Variants in ABLIM1 observed in about 807,000 individuals in gnomAD.
ABLIM1 encodes actin-binding LIM protein 1.
Under a neutral mutation model 107.0 loss-of-function variants are expected in ABLIM1, and 40 were observed. That is an observed-to-expected ratio of 0.37 (90% CI 0.29 to 0.49). ABLIM1 has a LOEUF of 0.49. ABLIM1 is among the 20% of genes least tolerant of loss of function. The pLI is 0.97. For synonymous variants in ABLIM1, 357 were observed against 357.3 expected (o/e 1.00, Z 0.01); for missense variants, 857 against 1,008.5 (o/e 0.85, Z 2.04).
At chr10:114,588,682 A>C (rs1457791764) in intron 2 of ABLIM1, among the ~76,000 whole-genome samples, 1 of 151,110 alleles carries the variant, frequency 6.6e-6, no homozygotes, top group East Asian at 1.9e-4. Flanking sequence ...TTTTTAGTAG[A>C]GATGTAGAGA....
intron 6 of ABLIM1, among the ~76,000 whole-genome samples, chr10:114,517,055 G>A (rs900458050): frequency 6.6e-6 from 1 of 152,120 alleles, no homozygotes; most frequent in Non-Finnish European, 1.5e-5. Flanking sequence ...ACAAGAACAA[G>A]GCTTTTGCCC....
upstream of ABLIM1, among the ~76,000 whole-genome samples, chr10:114,769,420 AAGG>A (rs1259032470): frequency 0.016 from 195 of 12,424 alleles, no homozygotes; most frequent in Non-Finnish European, 0.022. Flanking sequence ...GAAAGAAAAG[AAGG>A]AAAGAAAGAA....
chr10:114,583,441 AC>A (rs2139291279), intron 2 of ABLIM1, among the ~76,000 whole-genome samples: 1 of 35,672 alleles, frequency 2.8e-5, no homozygotes, highest in African/African-American at 9.4e-5. Context: ...ACACACACAC[AC>A]ACACACACAC....
chr10:114,757,142 A>G (rs2082647793), intron 1 of ABLIM1, among the ~76,000 whole-genome samples: 2 of 152,256 alleles, frequency 1.3e-5, no homozygotes, highest in South Asian at 4.1e-4. Flanking sequence ...TTAAAAATGC[A>G]GAAAATTATC....
At chr10:114,612,578 A>G (rs1327395779) in intron 1 of ABLIM1, among the ~76,000 whole-genome samples, 1 of 152,266 alleles carries the variant, frequency 6.6e-6, no homozygotes, top group Non-Finnish European at 1.5e-5. Context: ...GAATTTCTGA[A>G]GCATTACAAA....
At chr10:114,677,082 T>G (rs1208645652) in intron 1 of ABLIM1, among the ~76,000 whole-genome samples, 5 of 152,170 alleles carry the variant, frequency 3.3e-5, no homozygotes, top group African/African-American at 1.2e-4. Flanking sequence ...CTGAAAAGCC[T>G]GGTTCCCTCC....
intron 1 of ABLIM1, among the ~76,000 whole-genome samples, chr10:114,732,567 G>A (rs1042583534): frequency 6.6e-6 from 1 of 152,096 alleles, no homozygotes; most frequent in African/African-American, 2.4e-5. Context: ...AAAAGATTAT[G>A]ATTTTGATGA....
At chr10:114,801,075 T>C in the ABLIM1 span, among the ~76,000 whole-genome samples, 1 of 152,164 alleles carries the variant, frequency 6.6e-6, no homozygotes, top group African/African-American at 2.4e-5. Context: ...ATACATTACA[T>C]ACTGCATTCT....
intron 1 of ABLIM1, among the ~76,000 whole-genome samples, chr10:114,699,854 A>G (rs1191150428): frequency 6.6e-6 from 1 of 152,232 alleles, no homozygotes; most frequent in African/African-American, 2.4e-5. Context: ...AAACTGTTGT[A>G]TATCTTGACT....
At position 114,431,249 on chromosome 10, in the gene ABLIM1, G is replaced by A. The variant is rs2058823622; in HGVS notation, c.*5011C>T. 1 of 151,034 alleles carries A rather than the reference G, an allele frequency of 6.6e-6. No individual in the cohort carries two copies. Among genetic ancestry groups the A allele is most frequent in the Non-Finnish European group, 1.5e-5 (1 of 67,760 alleles). 9.4% of individuals were successfully genotyped at this position (151,034 alleles called of 1,614,324 possible). Reference sequence around the variant, plus strand: ...GGGATCACAGGCACAGCAGCGCGGAGCCGGCAGGGCCACCTCCTCCTCTAC... The same window carrying A: ...GGGATCACAGGCACAGCAGCGCGGAACCGGCAGGGCCACCTCCTCCTCTAC... On this transcript the variant is annotated 3_prime_UTR_variant, in exon 23 of 23. Transcript: ENST00000533213.
chr10:114,559,463 G>GAAAAAAA (rs1565932452), intron 4 of ABLIM1, among the ~76,000 whole-genome samples: 3 of 38,166 alleles, frequency 7.9e-5, no homozygotes, highest in African/African-American at 7.2e-4. Context: ...AAAAAAAAAA[G>GAAAAAAA]AAAGAAAGAA....
intron 1 of ABLIM1, among the ~76,000 whole-genome samples, chr10:114,695,175 C>G (rs1205346757): frequency 6.6e-6 from 1 of 152,132 alleles, no homozygotes; most frequent in Admixed American, 6.6e-5. Flanking sequence ...GTCAACTAAC[C>G]ATCTGTTAAG....
chr10:114,792,051 T>G, the ABLIM1 span, among the ~76,000 whole-genome samples: 1 of 152,230 alleles, frequency 6.6e-6, no homozygotes, highest in African/African-American at 2.4e-5. Context: ...CTGGGTACAG[T>G]GGCTCACACC....
chr10:114,612,113 T>G (rs188167057), intron 1 of ABLIM1, among the ~76,000 whole-genome samples: 10 of 152,196 alleles, frequency 6.6e-5, no homozygotes, highest in African/African-American at 2.2e-4. Context: ...ATGGTTTCAA[T>G]GTCCCCTCCA....
chr10:114,494,987 T>A (rs1590411869), intron 6 of ABLIM1, among the ~76,000 whole-genome samples: 3 of 152,262 alleles, frequency 2.0e-5, no homozygotes, highest in Admixed American at 2.0e-4. Flanking sequence ...TCATCAATCC[T>A]GTAAGGCAGA....
intron 1 of ABLIM1, among the ~76,000 whole-genome samples, chr10:114,673,009 G>C (rs1192929262): frequency 6.6e-6 from 1 of 152,060 alleles, no homozygotes; most frequent in Non-Finnish European, 1.5e-5. Flanking sequence ...TGTAATTCCA[G>C]CACTTTGGGA....
intron 1 of ABLIM1, among the ~76,000 whole-genome samples, chr10:114,725,524 C>T (rs151046251): frequency 0.02 from 3,108 of 152,018 alleles, 95 homozygotes; most frequent in African/African-American, 0.069. Flanking sequence ...AGTATGGTCG[C>T]TTTTGGGAAA....
At chr10:114,571,174 C>A in intron 4 of ABLIM1, 123 bp downstream of exon 4, 1 of 769,528 alleles carries the variant, frequency 1.3e-6, no homozygotes, top group Admixed American at 2.5e-5. Context: ...GGAGAAATAT[C>A]TATTCAAGTA....
At position 114,432,474 on chromosome 10, in the gene ABLIM1, T is replaced by TA. The variant is rs2058960059; in HGVS notation, c.*3785dup. On this transcript the variant is annotated 3_prime_UTR_variant, in exon 23 of 23. Coordinates refer to ENST00000533213, the MANE Select transcript of ABLIM1 (RefSeq NM_002313.7). ...GCTTTAAATGGTTTTTAGAAAGACT[T>TA]ACCTAGTCAAAAGTGGTTAATTTGA... 1 of 152,226 alleles carries TA rather than the reference T, an allele frequency of 6.6e-6. No individual in the cohort carries two copies. The highest frequency in any genetic ancestry group is 2.4e-5 in the African/African-American group (1 of 41,466). 9.4% of individuals were successfully genotyped at this position (152,226 alleles called of 1,614,324 possible).
Sources: allele counts gnomAD v4.1 joint callset (sites outside exome capture counted in the v4.1 genomes callset), GRCh38; gene constraint gnomAD v4.1.1; transcripts MANE v1.5; gene names NCBI Gene and HGNC (gene_info 2026-07-23, HGNC 2026-07-21).